The following MTMR2 variants were observed in gnomAD, a reference collection of about 807,000 sequenced individuals.
MTMR2 encodes the protein phosphatidylinositol-3,5-bisphosphate 3-phosphatase MTMR2.
In MTMR2, 55 loss-of-function variants were observed where a neutral mutation model predicts 86.9. The observed-to-expected ratio is 0.63, with a 90% confidence interval of 0.51 to 0.79. The LOEUF is 0.79. MTMR2 is among the 30% of genes least tolerant of loss of function. The pLI, the probability that MTMR2 is intolerant of heterozygous loss-of-function variation, is 0.00. For synonymous variants in MTMR2, 241 were observed against 266.8 expected (o/e 0.90, Z 0.94); for missense variants, 659 against 772.3 (o/e 0.85, Z 1.74).
Position 95,836,126 on chromosome 11 carries a change from T to C in MTMR2, c.1770+22A>G, listed in dbSNP as rs766890540. ...TGCACTGCATGAATGAAAACTCCCA[T>C]TGTATATTGTAAGGCACATACCTGT... On this transcript the variant is annotated intron_variant, in intron 14 of 14. Coordinates refer to ENST00000346299, the MANE Select transcript of MTMR2 (RefSeq NM_016156.6). The C allele has an allele frequency of 6.2e-6, 10 of 1,604,552 alleles. 1 individual carries two copies. The South Asian group carries it at 8.8e-5, about 14-fold the overall frequency.
chr11:95,896,921 C>A (rs1865898571), intron 1 of MTMR2, among the ~76,000 whole-genome samples: 2 of 144,594 alleles, frequency 1.4e-5, no homozygotes, highest in East Asian at 2.1e-4. Context: ...AAAAAAAAAA[C>A]TAGTGGGAAC....
In MTMR2 at chr11:95,847,898, G is replaced by C. The variant is rs750310119; in HGVS notation, c.995C>G (p.Ala332Gly). 6.2e-7 allele frequency: 1 copy of C among 1,613,330 alleles called. No homozygotes were observed. The highest frequency in any genetic ancestry group is 1.1e-5 in the South Asian group (1 of 91,062). ...RPSVNAVANKAKGGGYESEDA... is the reference protein window; with the variant it reads ...RPSVNAVANKGKGGGYESEDA... Reference sequence around the variant, plus strand: ...TTCACTTTCATAACCTCCACCCTTTGCCTGGAAAAAAGCACACATCATGGA... The same window carrying C: ...TTCACTTTCATAACCTCCACCCTTTCCCTGGAAAAAAGCACACATCATGGA... The change falls in exon 10 of 15, where the codon GCA (alanine) becomes GGA (glycine). Residue 332 changes from alanine (A) to glycine (G), a missense_variant and splice_region_variant. By Grantham distance (60) the Ala-to-Gly change is moderately conservative. Around this residue, in one of 3 missense-constraint regions of MTMR2, gnomAD observed 387 missense variants for 526.3 expected, o/e 0.74. Transcript: ENST00000346299.
At chr11:95,849,502 G>A (rs1390056420) in intron 9 of MTMR2, among the ~76,000 whole-genome samples, 172 bp downstream of exon 9, 1 of 152,044 alleles carries the variant, frequency 6.6e-6, no homozygotes, top group African/African-American at 2.4e-5. Flanking sequence ...ACAAATTGAG[G>A]TCTAAAGAGG....
chr11:95,857,608 C>T lies in MTMR2; in HGVS notation c.598G>A (p.Val200Ile), dbSNP rs745474361. ...AGCTTCCACCCATTTTCAGGGAATA[C>T]TTCTTTGTATTCAAAAGCAAAAAGA... The part of the protein sequence containing the change: ...LPLFAFEYKE[V>I]FPENGWKLYD... The change falls in exon 7 of 15, where the codon GTA becomes ATA. Residue 200 changes from valine (V) to isoleucine (I), a missense_variant. Coordinates refer to ENST00000346299, the MANE Select transcript of MTMR2 (RefSeq NM_016156.6). The T allele has an allele frequency of 6.2e-7, 1 of 1,612,362 alleles. No individual in the cohort carries two copies. Among genetic ancestry groups the T allele is most frequent in the Non-Finnish European group, 8.5e-7 (1 of 1,178,750 alleles).
intron 6 of MTMR2, among the ~76,000 whole-genome samples, chr11:95,858,025 G>A (rs111459556): frequency 2.0e-3 from 303 of 152,202 alleles, no homozygotes; most frequent in African/African-American, 6.8e-3. Flanking sequence ...CCTACTAACT[G>A]TGCCCTTGAG....
At chr11:95,907,802 A>G in intron 1 of MTMR2, 1 of 372,282 alleles carries the variant, frequency 2.7e-6, no homozygotes, top group Non-Finnish European at 5.2e-6. Flanking sequence ...GGCTTTTGAT[A>G]AAATTCAATA....
intron 1 of MTMR2, among the ~76,000 whole-genome samples, chr11:95,923,108 C>T (rs918646130): frequency 3.2e-4 from 48 of 152,106 alleles, no homozygotes; most frequent in African/African-American, 1.1e-3. Flanking sequence ...TTCATAAAAG[C>T]TCTCTGCAAA....
rs1360315392 is a variant in MTMR2, at chr11:95,858,607, T to G, written c.494A>C (p.His165Pro). Residue 165 changes from histidine to proline, a missense_variant, in exon 6 of 15, where the codon CAT (histidine) becomes CCT (proline). Physicochemically the swap from His to Pro is moderately conservative, Grantham distance 77. This residue lies in a region of MTMR2 where 387 missense variants were observed against 526.3 expected (regional missense o/e 0.74). Coordinates refer to ENST00000346299, the MANE Select transcript of MTMR2 (RefSeq NM_016156.6). Reference protein sequence around the residue: ...CKDIRNLRFAHKPEGRTRRSI... With the variant: ...CKDIRNLRFAPKPEGRTRRSI... ...TCTTCTTGTCCGCCCCTCAGGTTTA[T>G]GAGCAAATCGTAAATTCCTAATATC... The G allele has an allele frequency of 1.9e-6, 3 of 1,611,782 alleles. No homozygotes were observed. The African/African-American group carries it at 4.0e-5, about 22-fold the overall frequency.
intron 1 of MTMR2, among the ~76,000 whole-genome samples, chr11:95,902,204 C>T (rs1337792936): frequency 6.6e-6 from 1 of 152,132 alleles, no homozygotes. Flanking sequence ...GATGGTATAT[C>T]ATATAATTGG....
Position 95,836,200 on chromosome 11 carries a change from A to T in MTMR2, c.1718T>A (p.Leu573Gln). The T allele has an allele frequency of 6.2e-7, 1 of 1,612,810 alleles. No individual in the cohort carries two copies. The highest frequency in any genetic ancestry group is 1.1e-5 in the South Asian group (1 of 91,054). Residue 573 changes from leucine (L) to glutamine (Q), a missense_variant, in exon 14 of 15, where the codon CTA (leucine) becomes CAA (glutamine). Physicochemically the swap from Leu to Gln is moderately radical, Grantham distance 113. This residue lies in a region of MTMR2 where 193 missense variants were observed against 191.6 expected (regional missense o/e 1.01). Coordinates refer to ENST00000346299, the MANE Select transcript of MTMR2 (RefSeq NM_016156.6). ...VLYPVASMRH[L>Q]ELWVGYYIRW... ...TATGTAATATCCCACCCAGAGCTCT[A>T]GGTGGCGCATGCTGGCTACTGGATA...
chr11:95,899,205 G>A (rs1041912823), intron 1 of MTMR2, among the ~76,000 whole-genome samples: 3 of 152,056 alleles, frequency 2.0e-5, no homozygotes, highest in East Asian at 1.9e-4. Context: ...AATAAAATAG[G>A]AGTGGACATA....
chr11:95,882,994 T>C (rs1216212734), intron 2 of MTMR2, among the ~76,000 whole-genome samples: 1 of 143,508 alleles, frequency 7.0e-6, no homozygotes, highest in Non-Finnish European at 1.5e-5. Flanking sequence ...GATCCGCCCA[T>C]CTCGGCCTCC....
rs1382297308 is a variant in MTMR2 at position 95,833,029 on chromosome 11, T to C, written c.*2261A>G. 6.6e-6 allele frequency: 1 copy of C among 151,958 alleles called. No homozygotes were observed. Among genetic ancestry groups the C allele is most frequent in the African/African-American group, 2.4e-5 (1 of 41,322 alleles). The allele number at this position is 151,958 out of a possible 1,614,324, so 9.4% of individuals were successfully genotyped here. A position where few individuals can be genotyped will look rare whatever the true frequency, so the allele number is the denominator to read the frequency against. Reference sequence around the variant, plus strand: ...AGTGCTATGGGGGCACAGAGGAAGGTGGGGATGTCAGAGAAGGCAGTCGTG... The same window carrying C: ...AGTGCTATGGGGGCACAGAGGAAGGCGGGGATGTCAGAGAAGGCAGTCGTG... On this transcript the variant is annotated 3_prime_UTR_variant, in exon 15 of 15. Transcript: ENST00000346299.
chr11:95,847,690 T>C, intron 10 of MTMR2, 24 bp downstream of exon 10: 1 of 1,568,114 alleles, frequency 6.4e-7, no homozygotes, highest in Non-Finnish European at 8.8e-7. Flanking sequence ...AGTCTTTGTT[T>C]GGGATATAGT....
chr11:95,904,526 C>G (rs1390810712), intron 1 of MTMR2, among the ~76,000 whole-genome samples: 2 of 152,148 alleles, frequency 1.3e-5, no homozygotes, highest in Non-Finnish European at 2.9e-5. Context: ...GTCTTAAAGA[C>G]CTTGCTGATA....
chr11:95,837,024 TAATC>T (rs573151242), intron 13 of MTMR2, among the ~76,000 whole-genome samples: 19 of 152,044 alleles, frequency 1.2e-4, no homozygotes, highest in Non-Finnish European at 2.5e-4. Flanking sequence ...TTTTTAAAAA[TAATC>T]AATGATTCCT....
chr11:95,918,031 C>G (rs1296795777), intron 1 of MTMR2, among the ~76,000 whole-genome samples: 2 of 152,178 alleles, frequency 1.3e-5, no homozygotes, highest in Non-Finnish European at 2.9e-5. Flanking sequence ...TCCTAGAAAT[C>G]AAATCTAATA....
In MTMR2 at chr11:95,891,248, C is replaced by T. The variant is rs531359595; in HGVS notation, c.81-2987G>A. Among the ~76,000 whole-genome samples, 17 of 151,850 alleles carry T rather than the reference C, an allele frequency of 1.1e-4. No homozygotes were observed. The East Asian group carries it at 3.3e-3, about 30-fold the overall frequency. The stretch of plus-strand genomic sequence containing the variant: ...GGTGGATCACTTCAGCCCAGGAGTT[C>T]AAAACCAGCCTGGGCAACATGGTGA... On this transcript the variant is annotated intron_variant, in intron 1 of 14. Transcript: ENST00000346299.
chr11:95,848,279 T>C (rs1283823479), intron 9 of MTMR2, among the ~76,000 whole-genome samples: 1 of 152,210 alleles, frequency 6.6e-6, no homozygotes, highest in Non-Finnish European at 1.5e-5. Context: ...GTAAGTTTCA[T>C]GTGCTGAGAC....
Sources: allele counts gnomAD v4.1 joint callset (sites outside exome capture counted in the v4.1 genomes callset), GRCh38; gene constraint gnomAD v4.1.1; regional missense constraint gnomAD v4.1.1; transcripts MANE v1.5; gene names NCBI Gene and HGNC (gene_info 2026-07-23, HGNC 2026-07-21).